Variants in VWA8 observed in about 807,000 individuals in gnomAD.
VWA8 encodes the protein von Willebrand factor A domain-containing protein 8.
A neutral mutation model predicts 241.5 loss-of-function variants in VWA8; 221 were observed. That is an observed-to-expected ratio of 0.91 (90% CI 0.82 to 1.02). The LOEUF is 1.02. Among genes scored for constraint, VWA8 ranks in the 50% least tolerant of loss-of-function variants. VWA8 has a pLI of 0.00. For synonymous variants in VWA8, 852 were observed against 827.1 expected, an observed-to-expected ratio of 1.03 and a Z score of -0.52; for missense variants, 2,322 against 2,328.7, an observed-to-expected ratio of 1.00 and a Z score of 0.06.
At chr13:41,570,342 C>A in intron 44 of VWA8, 126 bp downstream of exon 44, 1 of 797,324 alleles carries the variant, frequency 1.3e-6, no homozygotes, top group South Asian at 2.0e-5. Context: ...AGGCTAGTAA[C>A]TTTAGTTTCT....
At chr13:41,577,069 C>T (rs566152670) in intron 42 of VWA8, among the ~76,000 whole-genome samples, 2 of 152,208 alleles carry the variant, frequency 1.3e-5, no homozygotes, top group Non-Finnish European at 2.9e-5. Context: ...AAGAGGCCCA[C>T]GCAGGATTTG....
At chr13:41,604,421 A>G (rs1309287171) in intron 40 of VWA8, among the ~76,000 whole-genome samples, 3 of 152,158 alleles carry the variant, frequency 2.0e-5, no homozygotes, top group African/African-American at 4.8e-5. Flanking sequence ...CAGAACTTTT[A>G]TTAATCTCTG....
At chr13:41,812,117 C>T (rs920736255) in intron 16 of VWA8, among the ~76,000 whole-genome samples, 2 of 152,102 alleles carry the variant, frequency 1.3e-5, no homozygotes, top group Non-Finnish European at 2.9e-5. Context: ...GTAATGCCCT[C>T]ACCTTTAAGG....
intron 5 of VWA8, among the ~76,000 whole-genome samples, chr13:41,889,399 G>A (rs940031571): frequency 4.6e-4 from 65 of 140,574 alleles, no homozygotes; most frequent in African/African-American, 1.6e-3. Context: ...TTTTTTTTCC[G>A]ACAGAGTCTC....
chr13:41,930,794 C>A (rs59675433), intron 2 of VWA8, among the ~76,000 whole-genome samples: 1 of 152,256 alleles, frequency 6.6e-6, no homozygotes, highest in Non-Finnish European at 1.5e-5. Flanking sequence ...TTTTAAAAAT[C>A]TGAAATGCAA....
intron 16 of VWA8, among the ~76,000 whole-genome samples, chr13:41,813,890 AGGG>A (rs1159506332): frequency 6.6e-6 from 1 of 152,056 alleles, no homozygotes; most frequent in Non-Finnish European, 1.5e-5. Context: ...GCAAAAAAAA[AGGG>A]GGGCGGTGAA....
chr13:41,795,788 C>T (rs1309039032), intron 17 of VWA8, among the ~76,000 whole-genome samples: 1 of 152,018 alleles, frequency 6.6e-6, no homozygotes, highest in Non-Finnish European at 1.5e-5. Flanking sequence ...ACACTGGAGC[C>T]TCTTGAGGTG....
At chr13:41,841,530 T>C (rs533804879) in intron 12 of VWA8, among the ~76,000 whole-genome samples, 206 of 151,946 alleles carry the variant, frequency 1.4e-3, no homozygotes, top group Admixed American at 2.3e-3. Flanking sequence ...CTCACGCCTG[T>C]AATCCCAGCA....
intron 12 of VWA8, among the ~76,000 whole-genome samples, chr13:41,851,816 T>C (rs976263372): frequency 3.3e-5 from 5 of 152,216 alleles, no homozygotes; most frequent in African/African-American, 4.8e-5. Flanking sequence ...ATATACTGCA[T>C]ATTTTCTTTA....
At chr13:41,673,661 T>C (rs564638565) in intron 36 of VWA8, among the ~76,000 whole-genome samples, 28 of 152,352 alleles carry the variant, frequency 1.8e-4, no homozygotes, top group African/African-American at 6.0e-4. Flanking sequence ...TTTTGATACA[T>C]TGGGTTAAAT....
chr13:41,760,810 G>A (rs1055307355), intron 21 of VWA8, among the ~76,000 whole-genome samples: 1 of 151,936 alleles, frequency 6.6e-6, no homozygotes, highest in Non-Finnish European at 1.5e-5. Context: ...GCTTGTGAGA[G>A]AATAGGCTTA....
At position 41,883,460 on chromosome 13, in the gene VWA8, G is replaced by A. The variant is rs763692921; in HGVS notation, c.1007C>T (p.Ala336Val). The A allele has an allele frequency of 1.2e-6, 2 of 1,613,470 alleles. No individual in the cohort carries two copies. The highest frequency in any genetic ancestry group is 1.7e-6 in the Non-Finnish European group (2 of 1,179,630). The change falls in exon 9 of 45, where the codon GCA (alanine) becomes GTA (valine). Residue 336 changes from alanine to valine, a missense_variant. Physicochemically the swap from Ala to Val is moderately conservative, Grantham distance 64. Transcript: ENST00000379310. ...DSFPMMPIKH[A>V]IQWLYPYSIL... Reference sequence around the variant, plus strand: ...ACTATATGGATAAAGCCACTGGATTGCATGTTTGATTGGCATCATAGGAAA... The same window carrying A: ...ACTATATGGATAAAGCCACTGGATTACATGTTTGATTGGCATCATAGGAAA...
intron 12 of VWA8, among the ~76,000 whole-genome samples, chr13:41,850,018 C>T (rs1872464590): frequency 6.6e-6 from 1 of 152,304 alleles, no homozygotes; most frequent in East Asian, 1.9e-4. Flanking sequence ...TTACTCCATG[C>T]AGAGTTCCCA....
intron 2 of VWA8, chr13:41,927,195 C>A (rs908646882): frequency 1.7e-5 from 8 of 459,896 alleles, no homozygotes; most frequent in South Asian, 1.4e-4. Context: ...CCCTGGAATA[C>A]GTACAGGCAT....
intron 4 of VWA8, among the ~76,000 whole-genome samples, chr13:41,905,632 T>C (rs139691688): frequency 1.3e-5 from 2 of 152,238 alleles, no homozygotes; most frequent in Non-Finnish European, 1.5e-5. Flanking sequence ...AACCATTCCT[T>C]ACCTGTTTTG....
chr13:41,769,740 C>T (rs1191437388), intron 20 of VWA8, among the ~76,000 whole-genome samples: 1 of 152,116 alleles, frequency 6.6e-6, no homozygotes. Context: ...CCTTTTTGAA[C>T]TGGTCTGCTT....
intron 37 of VWA8, among the ~76,000 whole-genome samples, chr13:41,630,319 A>G (rs1470610471): frequency 3.3e-5 from 5 of 150,916 alleles, no homozygotes; most frequent in Non-Finnish European, 5.9e-5. Context: ...CCTTTTGCCA[A>G]CCTCCCTATA....
At chr13:41,773,288 T>C (rs1868416770) in intron 20 of VWA8, among the ~76,000 whole-genome samples, 1 of 152,218 alleles carries the variant, frequency 6.6e-6, no homozygotes, top group African/African-American at 2.4e-5. Flanking sequence ...TGATCTTCTT[T>C]GATTGTCTTG....
chr13:41,774,227 T>C (rs1394257411), intron 20 of VWA8, among the ~76,000 whole-genome samples: 3 of 152,124 alleles, frequency 2.0e-5, no homozygotes, highest in African/African-American at 7.2e-5. Context: ...GCAGCCTCCG[T>C]CTCCCAGGTT....
Sources: allele counts gnomAD v4.1 joint callset (sites outside exome capture counted in the v4.1 genomes callset), GRCh38; gene constraint gnomAD v4.1.1; transcripts MANE v1.5; gene names NCBI Gene and HGNC (gene_info 2026-07-23, HGNC 2026-07-21).